The following NELL1 variants were observed in gnomAD, a reference collection of about 807,000 sequenced individuals.
The protein encoded by NELL1 is protein kinase C-binding protein NELL1.
NELL1 carries 76 observed loss-of-function variants against 107.4 expected under a neutral mutation model. The ratio of observed to expected loss-of-function variants is 0.71; its 90% CI spans 0.59 to 0.86. The LOEUF is 0.86. Ranked by LOEUF, NELL1 falls within the 40% of genes least tolerant of loss-of-function variation. NELL1 has a pLI of 0.00. For synonymous variants in NELL1, 353 were observed against 341.2 expected (o/e 1.03, Z -0.38); for missense variants, 1,024 against 1,005.5 (o/e 1.02, Z -0.25).
At chr11:21,314,363 A>G (rs1288477376) in intron 14 of NELL1, among the ~76,000 whole-genome samples, 1 of 152,156 alleles carries the variant, frequency 6.6e-6, no homozygotes, top group Non-Finnish European at 1.5e-5. Context: ...AATGTTGAGC[A>G]AGTTTATTGA....
intron 16 of NELL1, among the ~76,000 whole-genome samples, chr11:21,550,994 GGT>G (rs1429464956): frequency 2.0e-5 from 3 of 150,590 alleles, no homozygotes; most frequent in African/African-American, 4.9e-5. Context: ...TCTTCCATTT[GGT>G]TTTATCCTCT....
chr11:21,563,511 G>C (rs974930022), intron 17 of NELL1, among the ~76,000 whole-genome samples: 1 of 151,904 alleles, frequency 6.6e-6, no homozygotes, highest in African/African-American at 2.4e-5. Flanking sequence ...ACCAACCCCA[G>C]ATCAAAAGTA....
chr11:20,972,615 G>A (rs973288095), intron 12 of NELL1, among the ~76,000 whole-genome samples: 1 of 152,174 alleles, frequency 6.6e-6, no homozygotes, highest in Non-Finnish European at 1.5e-5. Flanking sequence ...TTACCAAAAA[G>A]CAAAAGAGCA....
At chr11:20,906,879 C>T (rs985445354) in intron 5 of NELL1, among the ~76,000 whole-genome samples, 2 of 152,020 alleles carry the variant, frequency 1.3e-5, no homozygotes, top group African/African-American at 4.8e-5. Flanking sequence ...AAACTCAGAG[C>T]TAGCATTATA....
At chr11:20,889,123 AT>A (rs1564951760) in intron 5 of NELL1, among the ~76,000 whole-genome samples, 2 of 152,122 alleles carry the variant, frequency 1.3e-5, no homozygotes, top group Admixed American at 6.5e-5. Context: ...GGAGGGAAGA[AT>A]TTTTTTTGGC....
At chr11:21,194,637 C>T (rs909150281) in intron 13 of NELL1, among the ~76,000 whole-genome samples, 1 of 152,096 alleles carries the variant, frequency 6.6e-6, no homozygotes, top group Non-Finnish European at 1.5e-5. Context: ...TATTAGAAAT[C>T]CAAATCCTCA....
At chr11:20,970,062 TCC>T (rs1851466078) in intron 12 of NELL1, among the ~76,000 whole-genome samples, 2 of 137,592 alleles carry the variant, frequency 1.5e-5, no homozygotes, top group Non-Finnish European at 3.3e-5. Flanking sequence ...TGTCCATCCA[TCC>T]ATCCATCCAT....
At chr11:21,041,255 C>G (rs1257930442) in intron 12 of NELL1, among the ~76,000 whole-genome samples, 1 of 152,138 alleles carries the variant, frequency 6.6e-6, no homozygotes, top group Admixed American at 6.6e-5. Context: ...TAATCTTCCA[C>G]GTCAATAAGG....
At chr11:21,506,602 G>A (rs1237882297) in intron 15 of NELL1, among the ~76,000 whole-genome samples, 2 of 152,136 alleles carry the variant, frequency 1.3e-5, no homozygotes, top group Non-Finnish European at 2.9e-5. Context: ...AATTTATGTG[G>A]TTTATGGTGG....
At chr11:21,458,380 A>G (rs565615274) in intron 15 of NELL1, among the ~76,000 whole-genome samples, 2 of 152,288 alleles carry the variant, frequency 1.3e-5, no homozygotes, top group South Asian at 4.1e-4. Context: ...CACCCTGTAG[A>G]TATAATCAGA....
At chr11:21,336,672 T>TACAC (rs368167297) in intron 14 of NELL1, among the ~76,000 whole-genome samples, 186 of 106,284 alleles carry the variant, frequency 1.8e-3, no homozygotes, top group African/African-American at 5.3e-3. Flanking sequence ...TATATATATA[T>TACAC]ATACACACAC....
intron 13 of NELL1, among the ~76,000 whole-genome samples, chr11:21,163,662 G>T (rs1432222542): frequency 6.6e-6 from 1 of 152,154 alleles, no homozygotes; most frequent in Non-Finnish European, 1.5e-5. Context: ...CTGGGGGTCA[G>T]GAAGTCCATG....
At position 20,992,709 on chromosome 11, in the gene NELL1, ATTTTT is replaced by A. The variant is rs56048576; in HGVS notation, c.1300+32167_1300+32171del. Reference sequence around the variant, plus strand: ...TGCTACTTCCCTAGGCAAAAGTGGCATTTTTTTTTTTTTTTTTTTTTTGAAACAGA... The same window carrying A: ...TGCTACTTCCCTAGGCAAAAGTGGCATTTTTTTTTTTTTTTTTGAAACAGA... On this transcript the variant is annotated intron_variant, in intron 12 of 19. Coordinates refer to ENST00000357134, the MANE Select transcript of NELL1 (RefSeq NM_006157.5). Among the ~76,000 whole-genome samples, 924 of 114,500 alleles carry A rather than the reference ATTTTT, an allele frequency of 8.1e-3. 10 individuals carry two copies. Among genetic ancestry groups the A allele is most frequent in the African/African-American group, 0.028 (848 of 30,514 alleles). 75.1% of individuals were successfully genotyped at this position (114,500 alleles called of 152,430 possible).
intron 13 of NELL1, among the ~76,000 whole-genome samples, chr11:21,152,801 A>T (rs1440320986): frequency 6.6e-6 from 1 of 152,030 alleles, no homozygotes; most frequent in East Asian, 1.9e-4. Context: ...CAGGATGGAG[A>T]TACTTCATCT....
chr11:21,564,577 G>C (rs10766832), intron 17 of NELL1, among the ~76,000 whole-genome samples: 19 of 151,746 alleles, frequency 1.3e-4, no homozygotes, highest in Admixed American at 1.3e-3. Flanking sequence ...GGAAGAGAGC[G>C]AACTATGAAG....
intron 12 of NELL1, among the ~76,000 whole-genome samples, chr11:21,091,022 T>C (rs16907455): frequency 0.05 from 7,540 of 152,254 alleles, 586 homozygotes; most frequent in African/African-American, 0.17. Flanking sequence ...CAGAATCATG[T>C]AGATTAAAGA....
chr11:21,390,492 C>T (rs990864060), intron 15 of NELL1, among the ~76,000 whole-genome samples: 4 of 149,802 alleles, frequency 2.7e-5, no homozygotes, highest in African/African-American at 4.9e-5. Context: ...GACCGCTCAT[C>T]CACAGTGTGT....
chr11:20,956,509 G>T (rs1024095147), intron 11 of NELL1, among the ~76,000 whole-genome samples: 8 of 151,936 alleles, frequency 5.3e-5, no homozygotes, highest in Non-Finnish European at 1.0e-4. Context: ...AGCCGGGCAT[G>T]GTGGCGGGCG....
At chr11:21,141,247 A>G (rs538579687) in intron 13 of NELL1, among the ~76,000 whole-genome samples, 58 of 152,338 alleles carry the variant, frequency 3.8e-4, no homozygotes, top group African/African-American at 1.4e-3. Flanking sequence ...ATTAAAAGAA[A>G]GAATCTCACT....
Sources: allele counts gnomAD v4.1 joint callset (sites outside exome capture counted in the v4.1 genomes callset), GRCh38; gene constraint gnomAD v4.1.1; transcripts MANE v1.5; gene names NCBI Gene and HGNC (gene_info 2026-07-23, HGNC 2026-07-21).